Variants in DMD observed in about 807,000 individuals in gnomAD.
DMD encodes the protein dystrophin.
DMD carries 63 observed loss-of-function variants against 330.1 expected under a neutral mutation model. The ratio of observed to expected loss-of-function variants is 0.19; its 90% confidence interval spans 0.16 to 0.24. The LOEUF is 0.24. Among genes scored for constraint, DMD ranks in the 10% least tolerant of loss-of-function variants. The pLI, the probability that DMD is intolerant of heterozygous loss-of-function variation, is 1.00. For missense variants in DMD, 3,344 were observed against 2,684.1 expected, an observed-to-expected ratio of 1.25 and a Z score of -5.43; for synonymous variants, 1,223 against 959.8, an observed-to-expected ratio of 1.27 and a Z score of -5.07.
At chrX:31,640,509 A>T (rs2148501430) in intron 54 of DMD, among the ~76,000 whole-genome samples, 1 of 112,494 alleles carries the variant, frequency 8.9e-6, no homozygotes, top group Admixed American at 9.4e-5. Context: ...CAGATACACA[A>T]TGTGAATATT....
intron 45 of DMD, among the ~76,000 whole-genome samples, chrX:31,933,962 T>A (rs1018863784): frequency 3.7e-5 from 4 of 108,677 alleles, no homozygotes; most frequent in Non-Finnish European, 7.6e-5. Context: ...ATTAGCTATT[T>A]TTTTTTTTTT....
At chrX:32,550,655 A>C (rs758523521) in intron 16 of DMD, among the ~76,000 whole-genome samples, 2 of 111,017 alleles carry the variant, frequency 1.8e-5, no homozygotes, top group Non-Finnish European at 3.8e-5. Flanking sequence ...AAGGAAAATG[A>C]GATGCAAAAA....
rs61560763 is a variant in DMD, at chrX:31,287,046, C to T, written c.9225-26030G>A. On this transcript the variant is annotated intron_variant, in intron 62 of 78. Transcript: ENST00000357033. ...TCCCAAAGCCTGTTGGGATTACAGGCTTAAGCCACCATGCCTGTCCCTGTT... is the reference window on the plus strand; with the variant it reads ...TCCCAAAGCCTGTTGGGATTACAGGTTTAAGCCACCATGCCTGTCCCTGTT... Among the ~76,000 whole-genome samples, 108 of 112,637 alleles carry T rather than the reference C, an allele frequency of 9.6e-4. No homozygotes were observed. In the East Asian group the frequency reaches 0.027, roughly 28 times the overall value.
At chrX:31,702,685 T>TG (rs1158733431) in intron 52 of DMD, among the ~76,000 whole-genome samples, 1 of 110,813 alleles carries the variant, frequency 9.0e-6, no homozygotes, top group Non-Finnish European at 1.9e-5. Flanking sequence ...TACGAATGTC[T>TG]GGGCCCTATT....
Position 32,064,158 on chromosome X carries a change from G to A in DMD, c.6439-95644C>T, listed in dbSNP as rs888020042. 7.2e-5 allele frequency among the ~76,000 whole-genome samples: 8 copies of A among 111,074 alleles called. No homozygotes were observed. The East Asian group carries it at 1.4e-3, about 20-fold the overall frequency. ...ACCAATTGACTCTTTAATATATAAA[G>A]CCTTAATTATGTTTAATCTATAAAA... On this transcript the variant is annotated intron_variant, in intron 44 of 78. Coordinates refer to ENST00000357033, the MANE Select transcript of DMD (RefSeq NM_004006.3).
At chrX:33,105,831 T>C (rs1219336020) in intron 1 of DMD, among the ~76,000 whole-genome samples, 1 of 111,538 alleles carries the variant, frequency 9.0e-6, no homozygotes, top group African/African-American at 3.3e-5. Flanking sequence ...GGTGGAAGTG[T>C]AAATTAATAC....
chrX:32,915,218 G>A (rs1026016409), intron 2 of DMD, among the ~76,000 whole-genome samples: 4 of 111,872 alleles, frequency 3.6e-5, no homozygotes, highest in Non-Finnish European at 7.5e-5. Context: ...CCTTCAGTTG[G>A]TGGTTAAGTG....
chrX:32,578,179 T>C (rs1274550438), intron 13 of DMD, among the ~76,000 whole-genome samples: 1 of 110,032 alleles, frequency 9.1e-6, no homozygotes, highest in Non-Finnish European at 1.9e-5. Flanking sequence ...GTATTAGGAT[T>C]AGAAACCTCT....
At chrX:31,716,247 A>AT (rs1002945890) in intron 52 of DMD, among the ~76,000 whole-genome samples, 5 of 112,270 alleles carry the variant, frequency 4.5e-5, no homozygotes, top group Non-Finnish European at 7.5e-5. Flanking sequence ...AATGGTGTTT[A>AT]TTTTTTAAAA....
chrX:32,661,053 A>G (rs867888278), intron 9 of DMD, among the ~76,000 whole-genome samples: 1 of 111,304 alleles, frequency 9.0e-6, no homozygotes, highest in Non-Finnish European at 1.9e-5. Context: ...CAAGTACCAT[A>G]TATTACATCA....
At position 32,573,852 on chromosome X, in the gene DMD, G is replaced by A. The variant is rs774626474; in HGVS notation, c.1603-6C>T. 1.9e-5 allele frequency: 22 copies of A among 1,188,871 alleles called. No individual in the cohort carries two copies. The Admixed American group carries it at 4.6e-4, about 25-fold the overall frequency. On this transcript the variant is annotated splice_polypyrimidine_tract_variant and splice_region_variant and intron_variant, in intron 13 of 78. Coordinates refer to ENST00000357033, the MANE Select transcript of DMD (RefSeq NM_004006.3). ...GCCCATCGATCTCCCAATACCTGGA[G>A]AAGAGACAATCAAGCACAGCATCAG...
chrX:32,026,450 A>T (rs1424129043), intron 44 of DMD, among the ~76,000 whole-genome samples: 1 of 112,466 alleles, frequency 8.9e-6, no homozygotes, highest in Non-Finnish European at 1.9e-5. Flanking sequence ...TAGACATTTA[A>T]ATTTGGAAAT....
At chrX:32,677,693 T>A (rs191385279) in intron 9 of DMD, among the ~76,000 whole-genome samples, 1 of 111,677 alleles carries the variant, frequency 9.0e-6, no homozygotes, top group Admixed American at 9.6e-5. Context: ...TGTGATCAGA[T>A]TTATACTTAG....
intron 52 of DMD, among the ~76,000 whole-genome samples, chrX:31,718,519 G>C (rs1389799511): frequency 2.7e-5 from 3 of 110,798 alleles, no homozygotes; most frequent in African/African-American, 9.9e-5. Flanking sequence ...TGGGGCCTTT[G>C]AGAAATAATA....
At chrX:31,578,452 C>G (rs946651445) in intron 55 of DMD, among the ~76,000 whole-genome samples, 1 of 111,676 alleles carries the variant, frequency 9.0e-6, no homozygotes, top group Non-Finnish European at 1.9e-5. Context: ...AGAAAAATTG[C>G]CAAGAGTTTA....
At chrX:32,343,055 C>A in intron 40 of DMD, 79 bp downstream of exon 40, 1 of 1,012,137 alleles carries the variant, frequency 9.9e-7, no homozygotes, top group Non-Finnish European at 1.4e-6. Flanking sequence ...ACAAGAACAT[C>A]AACATTTTAA....
intron 51 of DMD, among the ~76,000 whole-genome samples, chrX:31,773,412 C>T (rs1338234716): frequency 1.8e-5 from 2 of 111,406 alleles, no homozygotes; most frequent in African/African-American, 6.5e-5. Flanking sequence ...GCATAAATGC[C>T]AACTTTAAGA....
intron 68 of DMD, among the ~76,000 whole-genome samples, chrX:31,182,302 C>T (rs962461674): frequency 2.7e-5 from 3 of 112,043 alleles, no homozygotes; most frequent in African/African-American, 9.7e-5. Context: ...AGAGACTGAG[C>T]TACTATTATG....
intron 11 of DMD, among the ~76,000 whole-genome samples, chrX:32,643,601 T>G (rs1028216490): frequency 2.5e-4 from 28 of 111,649 alleles, no homozygotes; most frequent in African/African-American, 8.8e-4. Flanking sequence ...TCTCAAATCC[T>G]CTTTTTTATT....
Sources: allele counts gnomAD v4.1 joint callset (sites outside exome capture counted in the v4.1 genomes callset), GRCh38; gene constraint gnomAD v4.1.1; transcripts MANE v1.5; gene names NCBI Gene and HGNC (gene_info 2026-07-23, HGNC 2026-07-21).